SGCZ: variants seen among roughly 807,000 people sequenced by gnomAD.
SGCZ encodes the protein zeta-sarcoglycan.
SGCZ carries 40 observed loss-of-function variants against 41.3 expected under a neutral mutation model. The ratio of observed to expected loss-of-function variants is 0.97; its 90% CI spans 0.75 to 1.26. The LOEUF is 1.26. Among genes scored for constraint, SGCZ ranks in the 50% most tolerant of loss-of-function variants. SGCZ has a pLI of 0.00. For missense variants in SGCZ, 552 were observed against 369.8 expected (o/e 1.49, Z -4.04); for synonymous variants, 206 against 137.5 (o/e 1.50, Z -3.49).
chr8:14,420,687 G>A (rs11203608), intron 2 of SGCZ, among the ~76,000 whole-genome samples: 137,433 of 152,062 alleles, frequency 0.9, 62,409 homozygotes, highest in Middle Eastern at 0.95. Flanking sequence ...CCACAGTAAA[G>A]CAGATGTGAC....
intron 1 of SGCZ, among the ~76,000 whole-genome samples, chr8:14,905,297 G>A (rs573259692): frequency 1.3e-5 from 2 of 151,810 alleles, no homozygotes; most frequent in African/African-American, 4.8e-5. Context: ...AGGAAAAACC[G>A]ATTAAAAAGA....
At chr8:15,016,656 T>A (rs918076657) in intron 1 of SGCZ, among the ~76,000 whole-genome samples, 1 of 152,162 alleles carries the variant, frequency 6.6e-6, no homozygotes, top group Non-Finnish European at 1.5e-5. Flanking sequence ...CCCAGTACGT[T>A]TGATAATTAT....
intron 3 of SGCZ, among the ~76,000 whole-genome samples, chr8:14,276,633 T>C (rs1401005862): frequency 2.0e-5 from 3 of 152,198 alleles, no homozygotes; most frequent in Non-Finnish European, 4.4e-5. Flanking sequence ...TAAAAAATCC[T>C]GAACTATTTC....
chr8:14,459,245 C>A (rs112383417), intron 2 of SGCZ, among the ~76,000 whole-genome samples: 49 of 151,812 alleles, frequency 3.2e-4, no homozygotes, highest in African/African-American at 1.2e-3. Context: ...GGAAGGGGAA[C>A]ACCACACACC....
intron 2 of SGCZ, among the ~76,000 whole-genome samples, chr8:14,422,406 G>A (rs919292025): frequency 2.0e-5 from 3 of 152,108 alleles, no homozygotes; most frequent in Admixed American, 2.0e-4. Context: ...TAAGTTCTGT[G>A]ACTTGCCTTC....
chr8:14,820,722 A>G (rs1346947288), intron 1 of SGCZ, among the ~76,000 whole-genome samples: 5 of 152,022 alleles, frequency 3.3e-5, no homozygotes, highest in African/African-American at 7.2e-5. Context: ...AAATTAAACA[A>G]CTTGTTCCTT....
intron 1 of SGCZ, among the ~76,000 whole-genome samples, chr8:14,569,966 C>T (rs558790303): frequency 6.6e-6 from 1 of 150,968 alleles, no homozygotes; most frequent in Non-Finnish European, 1.5e-5. Context: ...TTTTTTTCAG[C>T]CAGCCCTACC....
intron 5 of SGCZ, among the ~76,000 whole-genome samples, chr8:14,156,345 C>T (rs551488442): frequency 1.3e-4 from 19 of 151,962 alleles, no homozygotes; most frequent in African/African-American, 2.4e-4. Context: ...CTTGTAGTCC[C>T]AGCTACTCAG....
At chr8:14,907,779 C>G (rs1424650699) in intron 1 of SGCZ, among the ~76,000 whole-genome samples, 1 of 152,208 alleles carries the variant, frequency 6.6e-6, no homozygotes, top group African/African-American at 2.4e-5. Context: ...AAATGAGCCA[C>G]AATTCACTAA....
At chr8:14,266,666 T>C (rs1402728685) in intron 3 of SGCZ, among the ~76,000 whole-genome samples, 1 of 152,050 alleles carries the variant, frequency 6.6e-6, no homozygotes, top group Non-Finnish European at 1.5e-5. Context: ...ACCTGATGGG[T>C]CATTGTGAGG....
At chr8:15,123,760 T>C (rs1160596187) in intron 1 of SGCZ, among the ~76,000 whole-genome samples, 1 of 152,152 alleles carries the variant, frequency 6.6e-6, no homozygotes, top group African/African-American at 2.4e-5. Context: ...CAGGAATAAA[T>C]AGGAAACATA....
chr8:15,191,348 C>T (rs1384928433), intron 1 of SGCZ, among the ~76,000 whole-genome samples: 1 of 151,896 alleles, frequency 6.6e-6, no homozygotes, highest in African/African-American at 2.4e-5. Flanking sequence ...CATACCTAGA[C>T]CAGGCAGGTA....
At chr8:14,525,183 G>C (rs940568951) in intron 2 of SGCZ, among the ~76,000 whole-genome samples, 1 of 128,628 alleles carries the variant, frequency 7.8e-6, no homozygotes, top group South Asian at 2.2e-4. Context: ...TAGATAGATA[G>C]ATAGATAGAT....
At chr8:15,057,413 A>G (rs1804755282) in intron 1 of SGCZ, among the ~76,000 whole-genome samples, 6 of 152,226 alleles carry the variant, frequency 3.9e-5, no homozygotes, top group Admixed American at 3.9e-4. Context: ...AAAAGAAAAG[A>G]TTTCAATACT....
chr8:14,351,833 T>C (rs1359324109), intron 2 of SGCZ, among the ~76,000 whole-genome samples: 1 of 152,104 alleles, frequency 6.6e-6, no homozygotes, highest in Non-Finnish European at 1.5e-5. Flanking sequence ...ATCTCAAGAA[T>C]AGGCATAAAA....
intron 1 of SGCZ, among the ~76,000 whole-genome samples, chr8:15,029,427 T>A (rs1192938429): frequency 1.3e-5 from 2 of 152,138 alleles, no homozygotes; most frequent in Non-Finnish European, 2.9e-5. Flanking sequence ...TGCATGTTCA[T>A]GCATGTGTGT....
At chr8:14,693,316 A>T (rs900183253) in intron 1 of SGCZ, among the ~76,000 whole-genome samples, 2 of 149,676 alleles carry the variant, frequency 1.3e-5, no homozygotes, top group African/African-American at 4.9e-5. Flanking sequence ...CCCCCAGATG[A>T]AATCTTGCTC....
At chr8:14,610,076 ATGACCTGGGCCCTGC>A (rs1805878050) in intron 1 of SGCZ, among the ~76,000 whole-genome samples, 2 of 152,328 alleles carry the variant, frequency 1.3e-5, no homozygotes, top group East Asian at 3.9e-4. Context: ...ATTTAAGTCA[ATGACCTGGGCCCTGC>A]TGGAAATCTT....
At chr8:14,499,314 A>G (rs1398879174) in intron 2 of SGCZ, among the ~76,000 whole-genome samples, 2 of 152,074 alleles carry the variant, frequency 1.3e-5, no homozygotes, top group Non-Finnish European at 2.9e-5. Flanking sequence ...TACATGTATT[A>G]GTAGACAATG....
Sources: allele counts gnomAD v4.1 joint callset (sites outside exome capture counted in the v4.1 genomes callset), GRCh38; gene constraint gnomAD v4.1.1; transcripts MANE v1.5; gene names NCBI Gene and HGNC (gene_info 2026-07-23, HGNC 2026-07-21).